NCKAP5: variants seen among roughly 807,000 people sequenced by gnomAD.
NCKAP5 encodes nck-associated protein 5.
A neutral mutation model predicts 167.0 loss-of-function variants in NCKAP5; 92 were observed. The ratio of observed to expected loss-of-function variants is 0.55; its 90% CI spans 0.47 to 0.66. The LOEUF is 0.66. NCKAP5 is among the 30% of genes least tolerant of loss of function. The pLI is 0.00. For synonymous variants in NCKAP5, 891 were observed against 877.4 expected (o/e 1.02, Z -0.27); for missense variants, 2,378 against 2,315.0 (o/e 1.03, Z -0.56).
At chr2:133,398,731 G>T (rs1163071804) in intron 3 of NCKAP5, among the ~76,000 whole-genome samples, 1 of 152,118 alleles carries the variant, frequency 6.6e-6, no homozygotes, top group Non-Finnish European at 1.5e-5. Context: ...AAAGACTTAA[G>T]GGGTGATTGG....
chr2:132,695,695 T>C (rs1292157181), intron 19 of NCKAP5, among the ~76,000 whole-genome samples: 1 of 152,156 alleles, frequency 6.6e-6, no homozygotes, highest in Non-Finnish European at 1.5e-5. Flanking sequence ...AATGTAAAAT[T>C]GTGCCTGAAC....
chr2:132,958,487 A>G (rs1053370907), intron 8 of NCKAP5, among the ~76,000 whole-genome samples: 1 of 152,182 alleles, frequency 6.6e-6, no homozygotes, highest in Non-Finnish European at 1.5e-5. Flanking sequence ...GCTTCTTCCC[A>G]GTTTAAAATT....
chr2:133,553,650 T>G (rs990538453), intron 2 of NCKAP5, among the ~76,000 whole-genome samples: 1 of 152,070 alleles, frequency 6.6e-6, no homozygotes, highest in Non-Finnish European at 1.5e-5. Flanking sequence ...CCTGAGGCCA[T>G]GAAGGAGACA....
chr2:133,207,469 A>G (rs1380844636), intron 5 of NCKAP5, among the ~76,000 whole-genome samples: 1 of 152,170 alleles, frequency 6.6e-6, no homozygotes, highest in Non-Finnish European at 1.5e-5. Flanking sequence ...TAAGCCTTAT[A>G]AATGTGGGCT....
At chr2:133,386,543 T>C (rs1322614813) in intron 3 of NCKAP5, among the ~76,000 whole-genome samples, 1 of 152,074 alleles carries the variant, frequency 6.6e-6, no homozygotes, top group Non-Finnish European at 1.5e-5. Context: ...GGGTGGAGAG[T>C]TCCGTAGATG....
intron 3 of NCKAP5, among the ~76,000 whole-genome samples, chr2:133,462,869 G>T (rs147345021): frequency 1.3e-5 from 2 of 152,128 alleles, no homozygotes; most frequent in South Asian, 4.1e-4. Context: ...TTACAAAGTC[G>T]TTTTCTGATA....
At chr2:133,311,745 GA>G (rs1221793527) in intron 3 of NCKAP5, among the ~76,000 whole-genome samples, 1 of 152,164 alleles carries the variant, frequency 6.6e-6, no homozygotes, top group Non-Finnish European at 1.5e-5. Context: ...CTCTGTGTCA[GA>G]AACCAGGAGT....
Position 132,781,101 on chromosome 2 carries a change from T to A in NCKAP5, c.5000A>T (p.Lys1667Met). The A allele has an allele frequency of 6.2e-7, 1 of 1,613,830 alleles. No individual in the cohort carries two copies. Among genetic ancestry groups the A allele is most frequent in the South Asian group, 1.1e-5 (1 of 91,034 alleles). Residue 1667 changes from lysine (K) to methionine (M), a missense_variant, in exon 15 of 20, where the codon AAG becomes ATG. Transcript: ENST00000409261. ...GSSISTQGNH[K>M]KNMKIKADME... ...ATCGGCTTTGATTTTCATGTTTTTC[T>A]TGTGGTTTCCTTGAGTACTGATAGA... is the stretch of plus-strand genomic sequence containing the variant.
chr2:133,409,762 A>G (rs1688664061), intron 3 of NCKAP5, among the ~76,000 whole-genome samples: 1 of 152,198 alleles, frequency 6.6e-6, no homozygotes, highest in Non-Finnish European at 1.5e-5. Flanking sequence ...TGACTTAAAA[A>G]GGGCAAAGAA....
rs182900217 is a variant in NCKAP5, at chr2:133,007,051, G to C, written c.342-12812C>G. ...AGTCGCTCTACCAAATCCTCTTTCA[G>C]CCTCAACTCTTGGGGCCATAATATG... On this transcript the variant is annotated intron_variant, in intron 6 of 19. Coordinates refer to ENST00000409261, the MANE Select transcript of NCKAP5 (RefSeq NM_207363.3). Among the ~76,000 whole-genome samples the C allele has an allele frequency of 7.9e-5, 12 of 152,240 alleles. No individual in the cohort carries two copies. In the East Asian group the frequency reaches 2.3e-3, roughly 29 times the overall value.
At chr2:132,720,846 C>CA (rs1376369487) in intron 19 of NCKAP5, among the ~76,000 whole-genome samples, 2 of 151,558 alleles carry the variant, frequency 1.3e-5, no homozygotes, top group South Asian at 2.1e-4. Flanking sequence ...CCATCTCTAC[C>CA]AAAAAAATAC....
At chr2:133,560,087 T>G (rs1688051283) in intron 1 of NCKAP5, among the ~76,000 whole-genome samples, 1 of 152,198 alleles carries the variant, frequency 6.6e-6, no homozygotes, top group Admixed American at 6.5e-5. Flanking sequence ...ACTCACACAC[T>G]TATTGAAAGT....
chr2:133,575,570 A>G, the NCKAP5 span, among the ~76,000 whole-genome samples: 1 of 152,210 alleles, frequency 6.6e-6, no homozygotes, highest in South Asian at 2.1e-4. Flanking sequence ...AACACTTCTT[A>G]TTTTATAAGA....
intron 3 of NCKAP5, among the ~76,000 whole-genome samples, chr2:133,320,658 G>A (rs908781874): frequency 1.1e-4 from 17 of 151,126 alleles, no homozygotes; most frequent in Non-Finnish European, 2.4e-4. Context: ...AACCCGGAAG[G>A]CGGAGCTTGC....
intron 18 of NCKAP5, among the ~76,000 whole-genome samples, chr2:132,726,083 G>A (rs562351975): frequency 2.0e-5 from 3 of 152,296 alleles, no homozygotes; most frequent in African/African-American, 7.2e-5. Context: ...CTTCTTTATA[G>A]GGTCTTATTT....
chr2:133,330,823 G>A lies in NCKAP5; in HGVS notation c.70-27713C>T, dbSNP rs60365580. Among the ~76,000 whole-genome samples, 1,130 of 152,194 alleles carry A rather than the reference G, an allele frequency of 7.4e-3. 16 individuals are homozygous for A. Among genetic ancestry groups the A allele is most frequent in the African/African-American group, 0.024 (986 of 41,522 alleles). ...GAGGAAGGAGGATTGCTTCAGCCCCGGGATTTAAGTTTGCAGTGAGCTATG... is the reference window on the plus strand; with the variant it reads ...GAGGAAGGAGGATTGCTTCAGCCCCAGGATTTAAGTTTGCAGTGAGCTATG... On this transcript the variant is annotated intron_variant, in intron 3 of 19. Transcript: ENST00000409261.
At chr2:132,942,263 G>A (rs1443001306) in intron 8 of NCKAP5, among the ~76,000 whole-genome samples, 1 of 152,086 alleles carries the variant, frequency 6.6e-6, no homozygotes, top group Non-Finnish European at 1.5e-5. Context: ...ATTTAGATAA[G>A]TGATTCTGAA....
chr2:133,515,741 T>C (rs910293181), intron 3 of NCKAP5, among the ~76,000 whole-genome samples: 2 of 152,226 alleles, frequency 1.3e-5, no homozygotes, highest in African/African-American at 4.8e-5. Flanking sequence ...ATTGACACTG[T>C]TTCCCTTTTT....
chr2:133,207,017 A>T (rs2085980438), intron 5 of NCKAP5, among the ~76,000 whole-genome samples: 1 of 152,160 alleles, frequency 6.6e-6, no homozygotes, highest in Non-Finnish European at 1.5e-5. Flanking sequence ...GTTTATCAAG[A>T]CAATGCATGC....
Sources: gnomAD v4.1 joint callset for allele counts (sites outside exome capture counted in the v4.1 genomes callset) on GRCh38, gnomAD v4.1.1 for gene constraint, MANE v1.5 for transcripts, NCBI Gene and HGNC (gene_info 2026-07-23, HGNC 2026-07-21) for gene names.